The following IRAG1 variants were observed in gnomAD, a reference collection of about 807,000 sequenced individuals.
IRAG1 encodes inositol 1,4,5-triphosphate receptor associated 1, also known as IP3R-associated cGMP kinase substrate.
IRAG1 carries 62 observed loss-of-function variants against 106.2 expected under a neutral mutation model. That is an observed-to-expected ratio of 0.58 (90% CI 0.48 to 0.72). The LOEUF (loss-of-function observed/expected upper bound fraction) is 0.72, where lower values mean the gene tolerates loss of function less well. Among genes scored for constraint, IRAG1 ranks in the 30% least tolerant of loss-of-function variants. The pLI is 0.00. For synonymous variants in IRAG1, 462 were observed against 443.9 expected (o/e 1.04, Z -0.51); for missense variants, 1,064 against 1,140.7 (o/e 0.93, Z 0.97).
intron 1 of IRAG1, among the ~76,000 whole-genome samples, chr11:10,690,701 C>T (rs939836865): frequency 6.6e-6 from 1 of 152,208 alleles, no homozygotes; most frequent in Admixed American, 6.5e-5. Context: ...AGGAAGCGCC[C>T]GCTTTGGACC....
chr11:10,641,341 C>T (rs746658818), intron 2 of IRAG1, among the ~76,000 whole-genome samples: 1 of 152,206 alleles, frequency 6.6e-6, no homozygotes, highest in African/African-American at 2.4e-5. Context: ...GCTCTTAGTT[C>T]TGGGTCTCCT....
Position 10,606,777 on chromosome 11 carries a change from G to C in IRAG1, c.1572-5C>G. On this transcript the variant is annotated splice_polypyrimidine_tract_variant and splice_region_variant and intron_variant, in intron 11 of 20. Transcript: ENST00000423302. ...TTTTCAGTGAGTGGAGGGGCACTGTGAAAAAGAAAACACACAATTGAACTG... is the reference window on the plus strand; with the variant it reads ...TTTTCAGTGAGTGGAGGGGCACTGTCAAAAAGAAAACACACAATTGAACTG... The C allele has an allele frequency of 6.3e-7, 1 of 1,582,354 alleles. No homozygotes were observed. Among genetic ancestry groups the C allele is most frequent in the Non-Finnish European group, 8.6e-7 (1 of 1,163,134 alleles).
intron 14 of IRAG1, among the ~76,000 whole-genome samples, 158 bp downstream of exon 14, chr11:10,602,962 C>CA (rs139075158): frequency 0.012 from 1,805 of 152,220 alleles, 18 homozygotes; most frequent in Middle Eastern, 0.02. Context: ...AGTGATCTGC[C>CA]AAAAATACTC....
chr11:10,677,128 C>A (rs1860743407), intron 1 of IRAG1, among the ~76,000 whole-genome samples: 1 of 152,198 alleles, frequency 6.6e-6, no homozygotes, highest in Non-Finnish European at 1.5e-5. Context: ...TGGGTCCATG[C>A]ATACTCTGTG....
At chr11:10,614,485 A>G (rs1255848164) in intron 10 of IRAG1, among the ~76,000 whole-genome samples, 1 of 152,240 alleles carries the variant, frequency 6.6e-6, no homozygotes, top group Non-Finnish European at 1.5e-5. Flanking sequence ...CATTGCCAAG[A>G]CAATCCTAAG....
chr11:10,631,985 C>T lies in IRAG1; in HGVS notation c.400+6G>A. On this transcript the variant is annotated splice_donor_region_variant and intron_variant, in intron 4 of 20. Coordinates refer to ENST00000423302, the MANE Select transcript of IRAG1 (RefSeq NM_130385.4). ...TCAACATGCCTTAGATTGCCCTGGT[C>T]CTTACCCACAGATGTCAGGGAGGCA... 1 of 1,613,310 alleles carries T rather than the reference C, an allele frequency of 6.2e-7. No individual in the cohort carries two copies. The highest frequency in any genetic ancestry group is 1.7e-4 in the Middle Eastern group (1 of 5,852).
At chr11:10,629,249 C>G (rs563445656) in intron 5 of IRAG1, among the ~76,000 whole-genome samples, 2 of 152,154 alleles carry the variant, frequency 1.3e-5, no homozygotes, top group African/African-American at 4.8e-5. Flanking sequence ...AAAAGTGACT[C>G]TAGCATAGAG....
chr11:10,602,479 A>G lies in IRAG1; in HGVS notation c.1875+641T>C, dbSNP rs575737220. On this transcript the variant is annotated intron_variant, in intron 14 of 20. Transcript: ENST00000423302. ...TGGAGCCAGGATTAGAACTCGGGCA[A>G]TGTGCTCCTGCTACAACATGGGGGG... Among the ~76,000 whole-genome samples the G allele has an allele frequency of 2.6e-5, 4 of 152,304 alleles. No homozygotes were observed. The East Asian group carries it at 7.7e-4, about 29-fold the overall frequency.
chr11:10,576,918 C>G (rs1850875583), intron 20 of IRAG1, among the ~76,000 whole-genome samples: 1 of 152,224 alleles, frequency 6.6e-6, no homozygotes, highest in South Asian at 2.1e-4. Flanking sequence ...GGGGTGATTA[C>G]TGATATCTGC....
chr11:10,690,940 C>A (rs1337610735), intron 1 of IRAG1, among the ~76,000 whole-genome samples: 1 of 152,172 alleles, frequency 6.6e-6, no homozygotes, highest in Admixed American at 6.5e-5. Flanking sequence ...GGGCCAGAGT[C>A]TGGGGGCCCC....
At chr11:10,655,527 G>C (rs910791041) in intron 1 of IRAG1, among the ~76,000 whole-genome samples, 5 of 152,194 alleles carry the variant, frequency 3.3e-5, no homozygotes, top group Non-Finnish European at 5.9e-5. Context: ...ACCTGAAGAT[G>C]AAACAGGCTG....
intron 14 of IRAG1, among the ~76,000 whole-genome samples, chr11:10,602,576 G>A (rs561048750): frequency 6.6e-5 from 10 of 152,316 alleles, no homozygotes; most frequent in African/African-American, 2.2e-4. Flanking sequence ...CCTGTGCCCC[G>A]CTCCGCCACT....
chr11:10,675,653 A>T (rs950128057), intron 1 of IRAG1, among the ~76,000 whole-genome samples: 3 of 152,136 alleles, frequency 2.0e-5, no homozygotes, highest in African/African-American at 7.2e-5. Flanking sequence ...GAATTTCATC[A>T]TCATGAAGAC....
intron 15 of IRAG1, among the ~76,000 whole-genome samples, chr11:10,596,021 G>T (rs1853263790): frequency 6.6e-6 from 1 of 152,162 alleles, no homozygotes; most frequent in African/African-American, 2.4e-5. Flanking sequence ...TGCAAAAGAG[G>T]TGATCTCATT....
At chr11:10,684,513 C>T (rs542138383) in intron 1 of IRAG1, among the ~76,000 whole-genome samples, 92 of 151,348 alleles carry the variant, frequency 6.1e-4, no homozygotes, top group Non-Finnish European at 1.0e-3. Flanking sequence ...TGCTAAATGA[C>T]GAGTTAATGG....
At chr11:10,629,168 C>T (rs150859611) in intron 5 of IRAG1, among the ~76,000 whole-genome samples, 188 of 152,254 alleles carry the variant, frequency 1.2e-3, no homozygotes, top group African/African-American at 4.2e-3. Context: ...CCCAGGGTGG[C>T]CCTGACTTCA....
chr11:10,649,154 C>G (rs949999070), intron 2 of IRAG1, among the ~76,000 whole-genome samples: 6 of 152,224 alleles, frequency 3.9e-5, no homozygotes, highest in African/African-American at 1.4e-4. Flanking sequence ...AGGCCTGACC[C>G]TCCCGAGGCC....
intron 1 of IRAG1, among the ~76,000 whole-genome samples, chr11:10,671,251 TA>T (rs1860195824): frequency 6.6e-6 from 1 of 152,180 alleles, no homozygotes; most frequent in African/African-American, 2.4e-5. Flanking sequence ...AGGAATCCAC[TA>T]AAAAACTATT....
intron 1 of IRAG1, among the ~76,000 whole-genome samples, chr11:10,668,785 A>C (rs1859989668): frequency 6.6e-6 from 1 of 152,252 alleles, no homozygotes; most frequent in South Asian, 2.1e-4. Context: ...CATTTGGTAT[A>C]TAATTAGGGC....
Sources: gnomAD v4.1 joint callset for allele counts (sites outside exome capture counted in the v4.1 genomes callset) on GRCh38, gnomAD v4.1.1 for gene constraint, MANE v1.5 for transcripts, NCBI Gene and HGNC (gene_info 2026-07-23, HGNC 2026-07-21) for gene names.